VAV2: variants seen among roughly 807,000 people sequenced by gnomAD.
The protein encoded by VAV2 is vav guanine nucleotide exchange factor 2, also known as guanine nucleotide exchange factor VAV2.
A neutral mutation model predicts 132.5 loss-of-function variants in VAV2; 67 were observed. The observed-to-expected ratio is 0.51, with a 90% CI of 0.42 to 0.62. The LOEUF (loss-of-function observed/expected upper bound fraction) is 0.62. Ranked by LOEUF, VAV2 falls within the 20% of genes least tolerant of loss-of-function variation. The pLI, the probability that VAV2 is intolerant of heterozygous loss-of-function variation, is 0.00. For synonymous variants in VAV2, 492 were observed against 443.5 expected (o/e 1.11, Z -1.37); for missense variants, 938 against 1,153.6 (o/e 0.81, Z 2.71).
Position 133,810,182 on chromosome 9 carries a change from G to T in VAV2, c.567+9C>A. On this transcript the variant is annotated intron_variant, in intron 6 of 29. Transcript: ENST00000371850. The stretch of plus-strand genomic sequence containing the variant: ...GGACGTCCCCAGCCTCCCCTTCCGG[G>T]CCACTCACCTGCATGTATCTAATCT... 1 of 1,613,354 alleles carries T rather than the reference G, an allele frequency of 6.2e-7. No individual in the cohort carries two copies.
chr9:133,946,590 C>G (rs1246575674), intron 1 of VAV2, among the ~76,000 whole-genome samples: 1 of 152,222 alleles, frequency 6.6e-6, no homozygotes, highest in African/African-American at 2.4e-5. Flanking sequence ...CTGCGCTTAG[C>G]AGAGACCGAT....
chr9:133,962,658 G>C (rs959480503), intron 1 of VAV2, among the ~76,000 whole-genome samples: 3 of 152,212 alleles, frequency 2.0e-5, no homozygotes, highest in Non-Finnish European at 4.4e-5. Context: ...TGGGACTCGG[G>C]GGGCTGTGAA....
intron 29 of VAV2, among the ~76,000 whole-genome samples, chr9:133,765,583 A>G (rs919102613): frequency 6.6e-6 from 1 of 152,254 alleles, no homozygotes; most frequent in African/African-American, 2.4e-5. Flanking sequence ...TCCAGATTAA[A>G]GAGAGTTAAG....
At chr9:133,891,608 A>C (rs1412050746) in intron 2 of VAV2, among the ~76,000 whole-genome samples, 1 of 898 alleles carries the variant, frequency 1.1e-3, no homozygotes. Context: ...GAGGGGAAAG[A>C]AGGAGAGGGA....
Position 133,783,536 on chromosome 9 carries a change from C to G in VAV2, c.1690G>C (p.Glu564Gln), listed in dbSNP as rs1834091671. Residue 564 changes from glutamate to glutamine, a missense_variant, in exon 19 of 30, where the codon GAG (glutamate) becomes CAG (glutamine). Glu to Gln is a conservative substitution (Grantham distance 29). Transcript: ENST00000371850. Reference protein sequence around the residue: ...CTKCGVGAHKECLEVIPPCKF... With the variant: ...CTKCGVGAHKQCLEVIPPCKF... ...CAGGGAGGTATCACTTCCAGGCACT[C>G]CTTGTGTGCCCCGACGCCACACTTG... 6.2e-7 allele frequency: 1 copy of G among 1,613,944 alleles called. No individual in the cohort carries two copies. Among genetic ancestry groups the G allele is most frequent in the Non-Finnish European group, 8.5e-7 (1 of 1,179,952 alleles).
intron 4 of VAV2, among the ~76,000 whole-genome samples, chr9:133,821,999 AGG>A (rs1420947252): frequency 6.6e-6 from 1 of 152,146 alleles, no homozygotes; most frequent in African/African-American, 2.4e-5. Flanking sequence ...ATCTTCCAGG[AGG>A]GGCCCCGAGC....
chr9:133,855,731 C>T (rs975079718), intron 3 of VAV2, among the ~76,000 whole-genome samples: 13 of 152,212 alleles, frequency 8.5e-5, no homozygotes, highest in African/African-American at 2.7e-4. Context: ...AATGCTTTGT[C>T]GTGCTTAGAT....
chr9:133,907,605 T>C (rs1206013629), intron 2 of VAV2, among the ~76,000 whole-genome samples: 2 of 152,218 alleles, frequency 1.3e-5, no homozygotes, highest in Non-Finnish European at 2.9e-5. Context: ...GGAGAAGGCC[T>C]CGCTGGAATC....
chr9:133,941,276 C>T (rs144590117), intron 1 of VAV2, among the ~76,000 whole-genome samples: 4,716 of 151,986 alleles, frequency 0.031, 238 homozygotes, highest in African/African-American at 0.11. Context: ...GGCGTGGTGG[C>T]GCACACCTGT....
chr9:133,857,830 G>A lies in VAV2; in HGVS notation c.380+3544C>T, dbSNP rs533278240. Among the ~76,000 whole-genome samples the A allele has an allele frequency of 3.1e-4, 47 of 152,324 alleles. No individual in the cohort carries two copies. The highest frequency in any genetic ancestry group is 1.1e-3 in the African/African-American group (44 of 41,586). The stretch of plus-strand genomic sequence containing the variant: ...GCGCTCAACCCCAAGGGCTGCAGAG[G>A]GAAAGGACCCAGGAAAAGTCCCAGA... On this transcript the variant is annotated intron_variant, in intron 3 of 29. Transcript: ENST00000371850. This position sits in a 1 kb window ranked among gnomAD's most constrained non-coding sequence, Gnocchi z 4.0.
At position 133,777,412 on chromosome 9, in the gene VAV2, T is replaced by G; in HGVS notation, c.1942A>C (p.Lys648Gln). 1 of 1,613,776 alleles carries G rather than the reference T, an allele frequency of 6.2e-7. No homozygotes were observed. The highest frequency in any genetic ancestry group is 8.5e-7 in the Non-Finnish European group (1 of 1,180,008). Reference protein sequence around the residue: ...KSGYFPSSSVKPCPVDGRPPI... With the variant: ...KSGYFPSSSVQPCPVDGRPPI... ...ACCCTTCCATCCACAGGGCAGGGCT[T>G]CACAGATGAGCTGGGGAAATACCCT... The change falls in exon 23 of 30, where the codon AAG becomes CAG. Residue 648 changes from lysine (K) to glutamine (Q), a missense_variant. Physicochemically the swap from Lys to Gln is moderately conservative, Grantham distance 53 (BLOSUM62 1). Transcript: ENST00000371850.
rs928533895 is a variant in VAV2 at position 133,834,423 on chromosome 9, C to T, written c.381-83G>A. The T allele has an allele frequency of 2.1e-5, 29 of 1,383,682 alleles. No individual in the cohort carries two copies. Among genetic ancestry groups the T allele is most frequent in the Middle Eastern group, 3.6e-4 (2 of 5,564 alleles). The allele number at this position is 1,383,682 out of a possible 1,614,324, so 85.7% of individuals were successfully genotyped here. ...ACCCCAGCTGGACCCCACAGCAGAG[C>T]CCAGTGTGGCCCAGCCAGGAGCAAA... is the stretch of plus-strand genomic sequence containing the variant. On this transcript the variant is annotated intron_variant, in intron 3 of 29. Coordinates refer to ENST00000371850, the MANE Select transcript of VAV2 (RefSeq NM_001134398.2). This position sits in a 1 kb window ranked among gnomAD's most constrained non-coding sequence, Gnocchi z 5.9.
In VAV2 at chr9:133,857,069, C is replaced by T. The variant is rs67484139; in HGVS notation, c.380+4305G>A. 0.14 allele frequency among the ~76,000 whole-genome samples: 20,558 copies of T among 152,166 alleles called. 1,659 individuals are homozygous for T. The highest frequency in any genetic ancestry group is 0.18 in the Non-Finnish European group (12,532 of 67,982). ...AGCATCCCTGCCCAAGGTCATTTGG[C>T]TGACAGAAGCTTCCTTCATGGGACC... On this transcript the variant is annotated intron_variant, in intron 3 of 29. Transcript: ENST00000371850. This position sits in a 1 kb window ranked among gnomAD's most constrained non-coding sequence, Gnocchi z 4.0.
chr9:133,971,331 A>G lies in VAV2; in HGVS notation c.204+20744T>C, dbSNP rs1314461147. On this transcript the variant is annotated intron_variant, in intron 1 of 29. Coordinates refer to ENST00000371850, the MANE Select transcript of VAV2 (RefSeq NM_001134398.2). ...TGGGTCGCCACGGCAGCCCAGGGGC[A>G]GCCGCAAGCAGGCACCGTGGGACCG... Among the ~76,000 whole-genome samples, 5 of 152,172 alleles carry G rather than the reference A, an allele frequency of 3.3e-5. No homozygotes were observed. The East Asian group carries it at 5.8e-4, about 18-fold the overall frequency.
rs79380731 is a variant in VAV2 at position 133,769,905 on chromosome 9, G to A, written c.2348-402C>T. 4.6e-5 allele frequency among the ~76,000 whole-genome samples: 7 copies of A among 152,200 alleles called. No homozygotes were observed. The highest frequency in any genetic ancestry group is 2.1e-4 in the South Asian group (1 of 4,836). On this transcript the variant is annotated intron_variant, in intron 27 of 29. Transcript: ENST00000371850. This position sits in a 1 kb window ranked among gnomAD's most constrained non-coding sequence, Gnocchi z 8.1. ...GGTGACTCTGGAGAGAGTCCTGAGC[G>A]GGAAGCCGCATGCTCGGGGCCTGCC...
intron 2 of VAV2, among the ~76,000 whole-genome samples, chr9:133,873,176 G>A (rs1307232653): frequency 2.0e-5 from 3 of 152,138 alleles, no homozygotes; most frequent in Non-Finnish European, 2.9e-5. Context: ...CATGTTAGCT[G>A]AGTGCCTGCT....
chr9:133,807,119 C>G, intron 8 of VAV2, 139 bp downstream of exon 8: 1 of 966,656 alleles, frequency 1.0e-6, no homozygotes, highest in Non-Finnish European at 1.5e-6. Context: ...GGTGGGGGCT[C>G]CTCCTTCCGG....
chr9:133,893,854 C>T (rs994669821), intron 2 of VAV2, among the ~76,000 whole-genome samples: 9 of 142,752 alleles, frequency 6.3e-5, no homozygotes, highest in Admixed American at 2.7e-4. Flanking sequence ...ACAGCAGCGG[C>T]GAGAGTCGGG....
chr9:133,972,655 G>C (rs10821542), intron 1 of VAV2, among the ~76,000 whole-genome samples: 1 of 151,998 alleles, frequency 6.6e-6, no homozygotes, highest in East Asian at 1.9e-4. Context: ...AGGGCCTCCC[G>C]CAAGAGTCCT....
Sources: allele counts gnomAD v4.1 joint callset (sites outside exome capture counted in the v4.1 genomes callset), GRCh38; gene constraint gnomAD v4.1.1; non-coding constraint Gnocchi (gnomAD v3.1); transcripts MANE v1.5; gene names NCBI Gene and HGNC (gene_info 2026-07-23, HGNC 2026-07-21).